ROBO1: variants seen among roughly 807,000 people sequenced by gnomAD.
The protein encoded by ROBO1 is roundabout guidance receptor 1.
ROBO1 carries 149 observed loss-of-function variants against 195.9 expected under a neutral mutation model. The ratio of observed to expected loss-of-function variants is 0.76; its 90% CI spans 0.67 to 0.87. The LOEUF (loss-of-function observed/expected upper bound fraction) is 0.87, where lower values mean the gene tolerates loss of function less well. Among genes scored for constraint, ROBO1 ranks in the 40% least tolerant of loss-of-function variants. The pLI is 0.00. For synonymous variants in ROBO1, 816 were observed against 733.2 expected (o/e 1.11, Z -1.82); for missense variants, 1,933 against 2,068.3 (o/e 0.93, Z 1.27).
At chr3:78,770,508 T>C (rs574226874) in intron 4 of ROBO1, among the ~76,000 whole-genome samples, 1 of 152,312 alleles carries the variant, frequency 6.6e-6, no homozygotes, top group Non-Finnish European at 1.5e-5. Context: ...TTAAGCTCCT[T>C]ATAGATTCTG....
At chr3:79,372,115 T>G (rs1377434095) in intron 2 of ROBO1, among the ~76,000 whole-genome samples, 1 of 152,092 alleles carries the variant, frequency 6.6e-6, no homozygotes, top group Non-Finnish European at 1.5e-5. Context: ...ACCTGCCACT[T>G]ATCTCCTGCT....
chr3:79,092,643 T>C lies in ROBO1; in HGVS notation c.172+32813A>G, dbSNP rs1431146182. Reference sequence around the variant, plus strand: ...TCCATTTAAATTCCTTTCGTTATAATAACGGTAGCCACAATTACATAGCAA... The same window carrying C: ...TCCATTTAAATTCCTTTCGTTATAACAACGGTAGCCACAATTACATAGCAA... On this transcript the variant is annotated intron_variant, in intron 3 of 30. Coordinates refer to ENST00000464233, the MANE Select transcript of ROBO1 (RefSeq NM_002941.4). Among the ~76,000 whole-genome samples the C allele has an allele frequency of 2.6e-5, 4 of 152,170 alleles. No individual in the cohort carries two copies. In the East Asian group the frequency reaches 7.7e-4, roughly 29 times the overall value.
intron 3 of ROBO1, among the ~76,000 whole-genome samples, chr3:79,001,769 A>C (rs1001133066): frequency 1.3e-5 from 2 of 152,142 alleles, no homozygotes; most frequent in Non-Finnish European, 1.5e-5. Flanking sequence ...TTCAACATTT[A>C]AATGTGTCTC....
In ROBO1 at chr3:79,569,105, C is replaced by T. The variant is rs187045763; in HGVS notation, c.88+20719G>A. On this transcript the variant is annotated intron_variant, in intron 2 of 30. Coordinates refer to ENST00000464233, the MANE Select transcript of ROBO1 (RefSeq NM_002941.4). ...AAACTTTTGTGCCTTATTAACCAGA[C>T]ACGCATGCGCGTGCACACGCGCACA... Among the ~76,000 whole-genome samples the T allele has an allele frequency of 2.6e-3, 395 of 150,512 alleles. 3 individuals carry two copies. Among genetic ancestry groups the T allele is most frequent in the Non-Finnish European group, 4.2e-3 (288 of 67,772 alleles).
chr3:79,273,111 GA>G (rs2030716899), intron 2 of ROBO1, among the ~76,000 whole-genome samples: 1 of 152,040 alleles, frequency 6.6e-6, no homozygotes, highest in African/African-American at 2.4e-5. Context: ...AATGCTAAAG[GA>G]AGCTCTTCAA....
At chr3:79,525,512 T>C (rs1335736866) in intron 2 of ROBO1, among the ~76,000 whole-genome samples, 2 of 147,684 alleles carry the variant, frequency 1.4e-5, no homozygotes, top group East Asian at 3.9e-4. Context: ...AATTTAAACA[T>C]TTATTTTTTC....
chr3:79,251,606 C>A (rs1339201898), intron 2 of ROBO1, among the ~76,000 whole-genome samples: 1 of 152,062 alleles, frequency 6.6e-6, no homozygotes, highest in Admixed American at 6.6e-5. Context: ...CAAAAATTAG[C>A]TGGGCATGGT....
At chr3:79,712,668 C>A (rs1702321047) in intron 1 of ROBO1, among the ~76,000 whole-genome samples, 1 of 152,048 alleles carries the variant, frequency 6.6e-6, no homozygotes, top group African/African-American at 2.4e-5. Context: ...TCACTGTAGA[C>A]TTAACAGCCT....
At chr3:79,300,261 G>A (rs905739707) in intron 2 of ROBO1, among the ~76,000 whole-genome samples, 1 of 152,222 alleles carries the variant, frequency 6.6e-6, no homozygotes, top group African/African-American at 2.4e-5. Flanking sequence ...CGGCGCTTGC[G>A]GGCCAGCTGG....
intron 2 of ROBO1, among the ~76,000 whole-genome samples, chr3:79,440,140 T>G (rs62257566): frequency 0.39 from 59,061 of 151,644 alleles, 11,819 homozygotes; most frequent in Admixed American, 0.5. Flanking sequence ...GTCTTCACGC[T>G]GTTGTGAGAG....
At chr3:79,043,730 A>C (rs2078532463) in intron 3 of ROBO1, among the ~76,000 whole-genome samples, 1 of 152,154 alleles carries the variant, frequency 6.6e-6, no homozygotes, top group Non-Finnish European at 1.5e-5. Context: ...TAAGTATAGA[A>C]ATGTATACAG....
intron 3 of ROBO1, among the ~76,000 whole-genome samples, chr3:78,947,607 A>G (rs985487809): frequency 1.3e-5 from 2 of 152,236 alleles, no homozygotes; most frequent in East Asian, 1.9e-4. Flanking sequence ...CGTCACAATT[A>G]AAAGAACCAG....
At chr3:79,418,781 T>C (rs181752490) in intron 2 of ROBO1, among the ~76,000 whole-genome samples, 1 of 152,250 alleles carries the variant, frequency 6.6e-6, no homozygotes, top group African/African-American at 2.4e-5. Context: ...TTCATGATCA[T>C]GCTGACCAGA....
intron 1 of ROBO1, among the ~76,000 whole-genome samples, chr3:79,714,841 A>C (rs1480003249): frequency 2.4e-5 from 3 of 124,566 alleles, no homozygotes; most frequent in African/African-American, 3.4e-5. Context: ...CATTCTGGGG[A>C]CTGTTGTGGG....
At chr3:79,412,819 G>A (rs1372537277) in intron 2 of ROBO1, among the ~76,000 whole-genome samples, 1 of 138,062 alleles carries the variant, frequency 7.2e-6, no homozygotes, top group Non-Finnish European at 1.5e-5. Context: ...AATACATGTT[G>A]GTATATTCCA....
chr3:79,039,073 G>T (rs2078433514), intron 3 of ROBO1, among the ~76,000 whole-genome samples: 1 of 152,164 alleles, frequency 6.6e-6, no homozygotes, highest in Non-Finnish European at 1.5e-5. Context: ...GATGATTGAA[G>T]ACTCATTTTT....
intron 1 of ROBO1, among the ~76,000 whole-genome samples, chr3:79,673,145 G>A (rs748121853): frequency 4.6e-5 from 7 of 151,812 alleles, no homozygotes; most frequent in East Asian, 1.9e-4. Context: ...AATTATTCTC[G>A]AAAGCCAAAA....
chr3:78,874,874 C>A (rs944175823), intron 4 of ROBO1, among the ~76,000 whole-genome samples: 2 of 151,776 alleles, frequency 1.3e-5, no homozygotes, highest in Non-Finnish European at 2.9e-5. Flanking sequence ...AAAACAAATA[C>A]CTCTATTCTA....
chr3:79,546,582 A>C (rs1013289239), intron 2 of ROBO1, among the ~76,000 whole-genome samples: 17 of 152,192 alleles, frequency 1.1e-4, no homozygotes, highest in Non-Finnish European at 2.5e-4. Flanking sequence ...CACTTTTCTC[A>C]GAAAAAGAAA....
Sources: allele counts gnomAD v4.1 joint callset (sites outside exome capture counted in the v4.1 genomes callset), GRCh38; gene constraint gnomAD v4.1.1; transcripts MANE v1.5; gene names NCBI Gene and HGNC (gene_info 2026-07-23, HGNC 2026-07-21).